Variants in PKHD1 observed in about 807,000 individuals in gnomAD.
PKHD1 encodes the protein PKHD1 ciliary IPT domain containing fibrocystin/polyductin, also known as fibrocystin.
In PKHD1, 291 loss-of-function variants were observed where a neutral mutation model predicts 412.0. The observed-to-expected ratio is 0.71, with a 90% confidence interval of 0.64 to 0.78. The LOEUF is 0.78. PKHD1 is among the 30% of genes least tolerant of loss of function. The probability of loss-of-function intolerance (pLI) is 0.00; values close to 1 mark genes in which losing one functional copy is unlikely to be tolerated. For synonymous variants in PKHD1, 1,777 were observed against 1,821.5 expected, an observed-to-expected ratio of 0.98 and a Z score of 0.62; for missense variants, 4,825 against 4,950.7, an observed-to-expected ratio of 0.97 and a Z score of 0.76.
chr6:51,883,756 A>C (rs4715254), intron 45 of PKHD1, among the ~76,000 whole-genome samples: 138,364 of 152,176 alleles, frequency 0.91, 63,281 homozygotes, highest in East Asian at 0.99. Context: ...TTGTAAGTCT[A>C]CTACTTGCTA....
At chr6:51,668,089 A>T (rs372237844) in intron 60 of PKHD1, among the ~76,000 whole-genome samples, 1 of 152,134 alleles carries the variant, frequency 6.6e-6, no homozygotes, top group Admixed American at 6.5e-5. Flanking sequence ...GAAGAAAGTC[A>T]TTGGTAGCTT....
intron 66 of PKHD1, among the ~76,000 whole-genome samples, chr6:51,619,816 C>T (rs1258746562): frequency 2.0e-5 from 3 of 152,186 alleles, no homozygotes; most frequent in Admixed American, 6.5e-5. Context: ...AACTGGCCAA[C>T]TCACACTTAC....
chr6:51,681,133 C>G (rs977049520), intron 60 of PKHD1, among the ~76,000 whole-genome samples: 1 of 152,058 alleles, frequency 6.6e-6, no homozygotes, highest in Non-Finnish European at 1.5e-5. Context: ...TAGGAAACCT[C>G]TCAGAAATTG....
At chr6:51,690,121 A>C (rs1777957380) in intron 60 of PKHD1, among the ~76,000 whole-genome samples, 1 of 151,838 alleles carries the variant, frequency 6.6e-6, no homozygotes, top group African/African-American at 2.4e-5. Context: ...AAAATACAAA[A>C]ATTAGCCAGG....
At chr6:51,807,456 A>ATATATAT (rs1277374751) in intron 52 of PKHD1, among the ~76,000 whole-genome samples, 6 of 47,202 alleles carry the variant, frequency 1.3e-4, no homozygotes, top group African/African-American at 4.5e-4. Flanking sequence ...AAAAAAAAAA[A>ATATATAT]AAATATATAT....
chr6:51,623,075 C>G (rs924233483), intron 66 of PKHD1, among the ~76,000 whole-genome samples: 7 of 152,058 alleles, frequency 4.6e-5, no homozygotes, highest in African/African-American at 1.7e-4. Flanking sequence ...TTTCCACTAT[C>G]ATAAAATCTA....
At chr6:51,755,016 G>A in intron 55 of PKHD1, 78 bp from the exon 56 acceptor site, 1 of 1,211,470 alleles carries the variant, frequency 8.3e-7, no homozygotes, top group Non-Finnish European at 1.2e-6. Flanking sequence ...GCAAGAAAAG[G>A]AAATCCACTG....
chr6:51,920,692 G>A (rs956451262), intron 37 of PKHD1, among the ~76,000 whole-genome samples: 1 of 152,172 alleles, frequency 6.6e-6, no homozygotes, highest in Non-Finnish European at 1.5e-5. Flanking sequence ...GTTTCAGAAG[G>A]AATGGTATCA....
chr6:51,909,952 G>A (rs891976123), intron 39 of PKHD1, among the ~76,000 whole-genome samples: 3 of 152,010 alleles, frequency 2.0e-5, no homozygotes, highest in African/African-American at 7.2e-5. Context: ...TAGCAATAAC[G>A]CTACCACAGA....
At chr6:51,827,400 A>G (rs1303523608) in intron 52 of PKHD1, among the ~76,000 whole-genome samples, 1 of 152,152 alleles carries the variant, frequency 6.6e-6, no homozygotes, top group Admixed American at 6.6e-5. Context: ...ACATTATATT[A>G]ATTATAGCCC....
chr6:51,920,681 A>T (rs1389794290), intron 37 of PKHD1, among the ~76,000 whole-genome samples: 1 of 152,218 alleles, frequency 6.6e-6, no homozygotes, highest in African/African-American at 2.4e-5. Flanking sequence ...TGATTGGAAT[A>T]GTTTCAGAAG....
At chr6:52,074,784 C>T (rs1811117322) in intron 6 of PKHD1, among the ~76,000 whole-genome samples, 1 of 152,172 alleles carries the variant, frequency 6.6e-6, no homozygotes, top group Non-Finnish European at 1.5e-5. Context: ...CTACACTGGG[C>T]AGGCTTCCCA....
At chr6:51,967,375 C>T (rs1583609090) in intron 35 of PKHD1, among the ~76,000 whole-genome samples, 2 of 152,092 alleles carry the variant, frequency 1.3e-5, no homozygotes, top group East Asian at 3.9e-4. Flanking sequence ...TCATACTATA[C>T]TATCAGTATA....
chr6:52,025,789 G>C lies in PKHD1; in HGVS notation c.4021C>G (p.Gln1341Glu). 6.2e-7 allele frequency: 1 copy of C among 1,614,224 alleles called. No individual in the cohort carries two copies. Among genetic ancestry groups the C allele is most frequent in the Non-Finnish European group, 8.5e-7 (1 of 1,180,028 alleles). Reference protein sequence around the residue: ...LGNLNCDVETQSFQGNVSLSG... With the variant: ...LGNLNCDVETESFQGNVSLSG... ...AGGCTCACGTTGCCCTGGAAGGACT[G>C]TGTCTCAACATCACAGTTCAGGTTC... Residue 1341 changes from glutamine to glutamate, a missense_variant, in exon 32 of 67, where the codon CAG becomes GAG. Physicochemically the swap from Gln to Glu is conservative, Grantham distance 29. Transcript: ENST00000371117.
chr6:51,870,705 T>TGCATTATG, intron 46 of PKHD1, 66 bp from the exon 47 acceptor site: 1 of 1,240,456 alleles, frequency 8.1e-7, no homozygotes, highest in Non-Finnish European at 1.2e-6. Flanking sequence ...ATACAATTCA[T>TGCATTATG]AATGCATGAA....
intron 60 of PKHD1, among the ~76,000 whole-genome samples, chr6:51,718,249 T>C (rs1781500854): frequency 6.6e-6 from 1 of 152,200 alleles, no homozygotes; most frequent in African/African-American, 2.4e-5. Flanking sequence ...GGACCACGGT[T>C]TACTAGGCCT....
chr6:51,865,749 C>A (rs1345691727), intron 48 of PKHD1, among the ~76,000 whole-genome samples: 1 of 152,172 alleles, frequency 6.6e-6, no homozygotes, highest in Non-Finnish European at 1.5e-5. Flanking sequence ...AGGGTGCTTG[C>A]CCCAGGGCAA....
chr6:51,832,970 A>C (rs1018303473), intron 51 of PKHD1, among the ~76,000 whole-genome samples: 39 of 152,166 alleles, frequency 2.6e-4, no homozygotes, highest in African/African-American at 9.4e-4. Flanking sequence ...GGCTTTATAA[A>C]TATTTCATAA....
intron 60 of PKHD1, among the ~76,000 whole-genome samples, chr6:51,735,109 C>T (rs1161814593): frequency 1.3e-5 from 2 of 152,156 alleles, no homozygotes; most frequent in African/African-American, 4.8e-5. Context: ...AATCTATTTG[C>T]TACCAAGTAA....
Sources: gnomAD v4.1 joint callset for allele counts (sites outside exome capture counted in the v4.1 genomes callset) on GRCh38, gnomAD v4.1.1 for gene constraint, MANE v1.5 for transcripts, NCBI Gene and HGNC (gene_info 2026-07-23, HGNC 2026-07-21) for gene names.